Variants in EFR3B observed in about 807,000 individuals in gnomAD.
The protein encoded by EFR3B is EFR3 homolog B, also known as protein EFR3 homolog B.
Under a neutral mutation model 104.7 loss-of-function variants are expected in EFR3B, and 64 were observed. The observed-to-expected ratio is 0.61, with a 90% CI of 0.50 to 0.75. The LOEUF (loss-of-function observed/expected upper bound fraction) is 0.75, where lower values mean the gene tolerates loss of function less well. EFR3B is among the 30% of genes least tolerant of loss of function. EFR3B has a pLI of 0.00. For missense variants in EFR3B, 750 were observed against 1,078.5 expected, an observed-to-expected ratio of 0.70 and a Z score of 4.27; for synonymous variants, 385 against 417.9, an observed-to-expected ratio of 0.92 and a Z score of 0.96.
At chr2:25,132,584 G>A (rs1327116660) in intron 10 of EFR3B, among the ~76,000 whole-genome samples, 1 of 151,894 alleles carries the variant, frequency 6.6e-6, no homozygotes, top group African/African-American at 2.4e-5. Context: ...GAGAACTCGG[G>A]CTCCCCCCGA....
chr2:25,106,040 C>T (rs1352022885), intron 4 of EFR3B, among the ~76,000 whole-genome samples: 1 of 152,230 alleles, frequency 6.6e-6, no homozygotes, highest in Non-Finnish European at 1.5e-5. Context: ...CTCTTGCTGT[C>T]CCTGTCTGAT....
rs967671083 is a variant in EFR3B, at chr2:25,106,603, G to A, written c.363+2816G>A. Among the ~76,000 whole-genome samples the A allele has an allele frequency of 3.9e-5, 6 of 152,040 alleles. No homozygotes were observed. In the South Asian group the frequency reaches 6.2e-4, roughly 16 times the overall value. On this transcript the variant is annotated intron_variant, in intron 4 of 22. Coordinates refer to ENST00000403714, the MANE Select transcript of EFR3B (RefSeq NM_014971.2). ...CTCCCGAGTAACTGGGATTATAGGC[G>A]CCTGCCACCACACCCAACTAAGGGA...
chr2:25,057,671 A>G (rs1668060558), intron 1 of EFR3B, among the ~76,000 whole-genome samples: 1 of 151,918 alleles, frequency 6.6e-6, no homozygotes, highest in African/African-American at 2.4e-5. Flanking sequence ...AATCCCAGCT[A>G]CTTGGGAGGC....
intron 1 of EFR3B, among the ~76,000 whole-genome samples, chr2:25,051,483 C>A (rs1667867121): frequency 1.3e-5 from 2 of 152,104 alleles, no homozygotes; most frequent in Non-Finnish European, 2.9e-5. Context: ...TTGCTTTCAC[C>A]ATCTCAGGAG....
chr2:25,079,764 C>T, intron 1 of EFR3B: 4 of 576,496 alleles, frequency 6.9e-6, no homozygotes, highest in South Asian at 3.1e-5. Context: ...TAAATGCAAA[C>T]CAAATGTTTT....
chr2:25,137,689 G>T lies in EFR3B; in HGVS notation c.1722+187G>T, dbSNP rs1670555995. Reference sequence around the variant, plus strand: ...ATGGTCCTGTTTGGGGAACCCCAAAGAATGCTTCATTCATGGTCTTGGCCC... The same window carrying T: ...ATGGTCCTGTTTGGGGAACCCCAAATAATGCTTCATTCATGGTCTTGGCCC... On this transcript the variant is annotated intron_variant, in intron 15 of 22. Transcript: ENST00000403714. The surrounding 1 kb of genome is among the most constrained non-coding windows in gnomAD (Gnocchi z 4.7). 6.6e-6 allele frequency among the ~76,000 whole-genome samples: 1 copy of T among 152,232 alleles called. No individual in the cohort carries two copies. The highest frequency in any genetic ancestry group is 1.5e-5 in the Non-Finnish European group (1 of 68,044).
In EFR3B at chr2:25,154,303, T is replaced by C; in HGVS notation, c.2417T>C (p.Val806Ala). Reference protein sequence around the residue: ...YGQPQNHSIPVYEMKFPDLCV... With the variant: ...YGQPQNHSIPAYEMKFPDLCV... Reference sequence around the variant, plus strand: ...CAGCCGCAGAACCACTCCATCCCCGTCTATGAAATGAAGTTTCCCGATCTG... The same window carrying C: ...CAGCCGCAGAACCACTCCATCCCCGCCTATGAAATGAAGTTTCCCGATCTG... Residue 806 changes from valine (V) to alanine (A), a missense_variant, in exon 23 of 23, where the codon GTC becomes GCC. By Grantham distance (64) the Val-to-Ala change is moderately conservative. Coordinates refer to ENST00000403714, the MANE Select transcript of EFR3B (RefSeq NM_014971.2). This position sits in a 1 kb window ranked among gnomAD's most constrained non-coding sequence, Gnocchi z 4.1. The C allele has an allele frequency of 1.3e-6, 2 of 1,552,050 alleles. No homozygotes were observed. Among genetic ancestry groups the C allele is most frequent in the Non-Finnish European group, 1.7e-6 (2 of 1,147,070 alleles).
intron 1 of EFR3B, among the ~76,000 whole-genome samples, chr2:25,067,703 C>T (rs186464289): frequency 1.3e-4 from 20 of 152,250 alleles, no homozygotes; most frequent in African/African-American, 4.6e-4. Flanking sequence ...TTTGAATTAA[C>T]AGTATGTTTG....
At chr2:25,103,336 T>G (rs755641799) in intron 3 of EFR3B, among the ~76,000 whole-genome samples, 1 of 152,238 alleles carries the variant, frequency 6.6e-6, no homozygotes, top group Non-Finnish European at 1.5e-5. Flanking sequence ...GCATCAATCT[T>G]GCTCTTTGTG....
chr2:25,064,672 A>G (rs757499872), intron 1 of EFR3B, among the ~76,000 whole-genome samples: 1 of 152,212 alleles, frequency 6.6e-6, no homozygotes, highest in Non-Finnish European at 1.5e-5. Flanking sequence ...CGACGTGCCA[A>G]GTAGTAGGTA....
chr2:25,131,346 C>T lies in EFR3B; in HGVS notation c.850-22C>T. On this transcript the variant is annotated intron_variant, in intron 8 of 22. Transcript: ENST00000403714. The surrounding 1 kb of genome is among the most constrained non-coding windows in gnomAD (Gnocchi z 7.6). ...GACCCCGTGGGGTTGCTGTCCAGGC[C>T]CAGCTCATCTTCCTCCCGCAGCCGC... 1 of 1,548,502 alleles carries T rather than the reference C, an allele frequency of 6.5e-7. No homozygotes were observed. Among genetic ancestry groups the T allele is most frequent in the South Asian group, 1.2e-5 (1 of 83,910 alleles).
intron 1 of EFR3B, among the ~76,000 whole-genome samples, chr2:25,087,130 A>G (rs766645464): frequency 7.9e-5 from 12 of 152,090 alleles, no homozygotes; most frequent in Non-Finnish European, 1.5e-4. Context: ...TGAAGCAGGG[A>G]AAAGCCCCTC....
rs185187125 is a variant in EFR3B, at chr2:25,116,714, C to T, written c.364-4959C>T. Among the ~76,000 whole-genome samples the T allele has an allele frequency of 1.5e-3, 234 of 151,858 alleles. 2 individuals carry two copies. The highest frequency in any genetic ancestry group is 5.0e-3 in the East Asian group (26 of 5,164). On this transcript the variant is annotated intron_variant, in intron 4 of 22. Coordinates refer to ENST00000403714, the MANE Select transcript of EFR3B (RefSeq NM_014971.2). ...ACACACATCCAGGGACTCATGGAGC[C>T]GCAGAAGGAGAGAGCAAGGGAGTTT... is the stretch of plus-strand genomic sequence containing the variant.
At chr2:25,085,488 G>A (rs959171283) in intron 1 of EFR3B, among the ~76,000 whole-genome samples, 3 of 151,976 alleles carry the variant, frequency 2.0e-5, no homozygotes, top group Non-Finnish European at 2.9e-5. Context: ...TTATTGAGAC[G>A]AAATCTCTTT....
chr2:25,127,361 A>G (rs1670196938), intron 5 of EFR3B, among the ~76,000 whole-genome samples: 1 of 152,156 alleles, frequency 6.6e-6, no homozygotes, highest in Non-Finnish European at 1.5e-5. Flanking sequence ...AAAAGCCAAT[A>G]CAAATAAAAT....
Position 25,103,644 on chromosome 2 carries a change from T to A in EFR3B, c.220T>A (p.Cys74Ser). 6.4e-7 allele frequency: 1 copy of A among 1,550,994 alleles called. No individual in the cohort carries two copies. Among genetic ancestry groups the A allele is most frequent in the Non-Finnish European group, 8.7e-7 (1 of 1,146,388 alleles). ...ATGTGCTGCCCTCCCCAGGTACGTG[T>A]GCATTGCTATGGAGGCTTTGGACCA... ...DVGRHRYGYVCIAMEALDQLL... is the reference protein window; with the variant it reads ...DVGRHRYGYVSIAMEALDQLL... The change falls in exon 4 of 23, where the codon TGC (cysteine) becomes AGC (serine). Residue 74 changes from cysteine (C) to serine (S), a missense_variant. Physicochemically the swap from Cys to Ser is moderately radical, Grantham distance 112. Coordinates refer to ENST00000403714, the MANE Select transcript of EFR3B (RefSeq NM_014971.2).
chr2:25,058,611 T>G (rs570895850), intron 1 of EFR3B, among the ~76,000 whole-genome samples: 10 of 151,926 alleles, frequency 6.6e-5, no homozygotes, highest in African/African-American at 2.4e-4. Context: ...ATATAAAAAT[T>G]AGCCAGGCAT....
chr2:25,091,275 T>A (rs531517588), intron 1 of EFR3B, 50 bp from the exon 2 acceptor site: 1 of 1,534,922 alleles, frequency 6.5e-7, no homozygotes, highest in East Asian at 2.5e-5. Context: ...CAACCTTTCC[T>A]GGGCCCGACC....
chr2:25,145,237 A>G, intron 19 of EFR3B, 186 bp downstream of exon 19: 1 of 617,658 alleles, frequency 1.6e-6, no homozygotes. Flanking sequence ...AAAAATTGTT[A>G]GGGTCCTCCC....
Sources: gnomAD v4.1 joint callset for allele counts (sites outside exome capture counted in the v4.1 genomes callset) on GRCh38, gnomAD v4.1.1 for gene constraint, Gnocchi (gnomAD v3.1) non-coding constraint, MANE v1.5 for transcripts, NCBI Gene and HGNC (gene_info 2026-07-23, HGNC 2026-07-21) for gene names.